Variants in DTNA observed in about 807,000 individuals in gnomAD.
DTNA encodes the protein dystrobrevin alpha, also known as dystrophin-related protein 3.
Under a neutral mutation model 100.7 loss-of-function variants are expected in DTNA, and 43 were observed. The observed-to-expected ratio is 0.43, with a 90% confidence interval of 0.33 to 0.55. DTNA has a LOEUF of 0.55. DTNA is among the 20% of genes least tolerant of loss of function. The pLI, the probability that DTNA is intolerant of heterozygous loss-of-function variation, is 0.04. For synonymous variants in DTNA, 349 were observed against 347.9 expected (o/e 1.00, Z -0.04); for missense variants, 798 against 953.9 (o/e 0.84, Z 2.15).
At chr18:34,856,733 C>A (rs904330864) in intron 15 of DTNA, among the ~76,000 whole-genome samples, 1 of 152,178 alleles carries the variant, frequency 6.6e-6, no homozygotes, top group Non-Finnish European at 1.5e-5. Context: ...TATAATAGAA[C>A]TGTTATAGAA....
intron 1 of DTNA, among the ~76,000 whole-genome samples, chr18:34,552,057 T>A (rs902322858): frequency 6.6e-6 from 1 of 152,100 alleles, no homozygotes; most frequent in Non-Finnish European, 1.5e-5. Flanking sequence ...GCCTCTGGTT[T>A]AAATGCTCCC....
intron 1 of DTNA, among the ~76,000 whole-genome samples, chr18:34,553,377 A>T (rs1048706128): frequency 1.9e-4 from 29 of 150,422 alleles, no homozygotes; most frequent in Non-Finnish European, 3.6e-4. Flanking sequence ...GAAGCTCTTT[A>T]GTTTAATTAG....
chr18:34,793,112 TG>T (rs1602121028), intron 3 of DTNA, among the ~76,000 whole-genome samples: 1 of 152,100 alleles, frequency 6.6e-6, no homozygotes, highest in East Asian at 1.9e-4. Flanking sequence ...CAAAAAAGAG[TG>T]TTTACCATAT....
At chr18:34,686,147 T>C (rs1390837066) in intron 1 of DTNA, among the ~76,000 whole-genome samples, 1 of 152,214 alleles carries the variant, frequency 6.6e-6, no homozygotes, top group African/African-American at 2.4e-5. Context: ...TCTTGCCTGA[T>C]TGCCCTGGCC....
chr18:34,655,005 G>A (rs1157066922), intron 1 of DTNA, among the ~76,000 whole-genome samples: 1 of 152,130 alleles, frequency 6.6e-6, no homozygotes, highest in Non-Finnish European at 1.5e-5. Context: ...GGGATTACAG[G>A]CATGAACCAC....
chr18:34,792,238 G>GCT (rs1022207400), intron 3 of DTNA, among the ~76,000 whole-genome samples: 15 of 151,888 alleles, frequency 9.9e-5, no homozygotes, highest in South Asian at 6.2e-4. Context: ...TGAACAGATT[G>GCT]CTCTCTCTCT....
rs546255407 is a variant in DTNA, at chr18:34,578,136, GT to G, written c.-2+84632del. Among the ~76,000 whole-genome samples, 16 of 148,542 alleles carry G rather than the reference GT, an allele frequency of 1.1e-4. No individual in the cohort carries two copies. The South Asian group carries it at 1.9e-3, about 18-fold the overall frequency. On this transcript the variant is annotated intron_variant, in intron 1 of 19. Transcript: ENST00000283365. ...GCATCCACACCATAATCTACTATGT[GT>G]TTTTTTTTTATTTTTTTATTATGGC...
chr18:34,688,487 T>C (rs1017727662), intron 1 of DTNA, among the ~76,000 whole-genome samples: 2 of 152,218 alleles, frequency 1.3e-5, no homozygotes, highest in African/African-American at 4.8e-5. Flanking sequence ...TCTTCTGGCT[T>C]GTAGCGTTTC....
chr18:34,721,768 GTGTT>G (rs1415142920), intron 1 of DTNA, among the ~76,000 whole-genome samples: 1 of 152,086 alleles, frequency 6.6e-6, no homozygotes, highest in African/African-American at 2.4e-5. Context: ...TCCTACGTAT[GTGTT>G]TGTCTTTGTA....
chr18:34,725,077 C>T (rs975785630), intron 1 of DTNA, among the ~76,000 whole-genome samples: 1 of 152,086 alleles, frequency 6.6e-6, no homozygotes, highest in Non-Finnish European at 1.5e-5. Flanking sequence ...TTTCTTTACA[C>T]CTTATACAAA....
chr18:34,596,345 A>G (rs1229750773), intron 1 of DTNA, among the ~76,000 whole-genome samples: 1 of 152,126 alleles, frequency 6.6e-6, no homozygotes, highest in African/African-American at 2.4e-5. Flanking sequence ...TGGCCTCCCA[A>G]GTAGCTGGGA....
chr18:34,564,207 A>C (rs1377040353), intron 1 of DTNA, among the ~76,000 whole-genome samples: 1 of 152,090 alleles, frequency 6.6e-6, no homozygotes, highest in Non-Finnish European at 1.5e-5. Flanking sequence ...CAGTGGCTCA[A>C]TCTTGGCTCA....
Position 34,857,077 on chromosome 18 carries a change from T to G in DTNA, c.1533-1208T>G, listed in dbSNP as rs111328249. Among the ~76,000 whole-genome samples, 1,074 of 152,290 alleles carry G rather than the reference T, an allele frequency of 7.1e-3. 16 individuals carry two copies. The highest frequency in any genetic ancestry group is 0.025 in the African/African-American group (1,023 of 41,560). On this transcript the variant is annotated intron_variant, in intron 15 of 22. Transcript: ENST00000444659. Reference sequence around the variant, plus strand: ...AACACAGGGACTTGTCCTCATTTCTTTAACCCCAGCAGCACCCGACCCCTT... The same window carrying G: ...AACACAGGGACTTGTCCTCATTTCTGTAACCCCAGCAGCACCCGACCCCTT...
At chr18:34,642,267 T>TC in intron 1 of DTNA, among the ~76,000 whole-genome samples, 1 of 152,036 alleles carries the variant, frequency 6.6e-6, no homozygotes, top group Non-Finnish European at 1.5e-5. Flanking sequence ...TGCACTGGGG[T>TC]CCCCCCTTAA....
Position 34,811,921 on chromosome 18 carries a change from C to T in DTNA, c.449-38C>T, listed in dbSNP as rs543561696. 29 of 1,611,688 alleles carry T rather than the reference C, an allele frequency of 1.8e-5. No homozygotes were observed. In the South Asian group the frequency reaches 3.0e-4, roughly 16 times the overall value. The stretch of plus-strand genomic sequence containing the variant: ...TTGAACAAAAACAGTGGAGAATGTT[C>T]ATGTGATGAATAATATCTTTCCTTT... On this transcript the variant is annotated intron_variant, in intron 5 of 22. Transcript: ENST00000444659.
At chr18:34,825,324 G>T in intron 9 of DTNA, 1 of 1,611,006 alleles carries the variant, frequency 6.2e-7, no homozygotes, top group South Asian at 1.1e-5. Context: ...GTATAATCAT[G>T]ATCATAAGTG....
chr18:34,699,525 C>T (rs1300350925), intron 1 of DTNA, among the ~76,000 whole-genome samples: 3 of 152,100 alleles, frequency 2.0e-5, no homozygotes, highest in Non-Finnish European at 4.4e-5. Flanking sequence ...AATGTTTGAC[C>T]AAATATCTGT....
At chr18:34,639,891 T>C (rs2059081986) in intron 1 of DTNA, among the ~76,000 whole-genome samples, 2 of 152,222 alleles carry the variant, frequency 1.3e-5, no homozygotes, top group African/African-American at 2.4e-5. Flanking sequence ...ACAGCAGAAG[T>C]TGCAACATCA....
chr18:34,528,233 C>T lies in DTNA; in HGVS notation c.-2+34719C>T, dbSNP rs1568594554. Among the ~76,000 whole-genome samples the T allele has an allele frequency of 2.0e-5, 3 of 151,952 alleles. No individual in the cohort carries two copies. In the South Asian group the frequency reaches 6.2e-4, roughly 32 times the overall value. ...ATTGACTGGACTCAAGGAACTTCTG[C>T]CAAATCTGTTAGAATTAATTGTTAA... is the stretch of plus-strand genomic sequence containing the variant. On this transcript the variant is annotated intron_variant, in intron 1 of 19. Coordinates refer to the DTNA transcript ENST00000283365.
Sources: gnomAD v4.1 joint callset for allele counts (sites outside exome capture counted in the v4.1 genomes callset) on GRCh38, gnomAD v4.1.1 for gene constraint, MANE v1.5 for transcripts, NCBI Gene and HGNC (gene_info 2026-07-23, HGNC 2026-07-21) for gene names.